ANKDD1B: variants seen among roughly 807,000 people sequenced by gnomAD.
ANKDD1B encodes the protein ankyrin repeat and death domain containing 1B.
A neutral mutation model predicts 59.7 loss-of-function variants in ANKDD1B; 57 were observed. The observed-to-expected ratio is 0.95, with a 90% CI of 0.77 to 1.19. The LOEUF (loss-of-function observed/expected upper bound fraction) is 1.19. Ranked by LOEUF, ANKDD1B falls within the 50% of genes most tolerant of loss-of-function variation. ANKDD1B has a pLI of 0.00. For synonymous variants in ANKDD1B, 216 were observed against 239.5 expected (o/e 0.90, Z 0.91); for missense variants, 602 against 641.9 (o/e 0.94, Z 0.67).
In ANKDD1B at chr5:75,625,828, C is replaced by T. The variant is rs1385470461; in HGVS notation, c.496-23C>T. The T allele has an allele frequency of 6.5e-6, 10 of 1,531,364 alleles. No individual in the cohort carries two copies. In the East Asian group the frequency reaches 2.2e-4, roughly 34 times the overall value. The allele number at this position is 1,531,364 out of a possible 1,614,324, so 94.9% of individuals were successfully genotyped here. ...GAAGTTCTGAGGTCACTGTCTATCTCCCCCACCCCTGGTTCTCTTCAGGAT... is the reference window on the plus strand; with the variant it reads ...GAAGTTCTGAGGTCACTGTCTATCTTCCCCACCCCTGGTTCTCTTCAGGAT... On this transcript the variant is annotated intron_variant, in intron 4 of 13. Transcript: ENST00000601380.
intron 7 of ANKDD1B, among the ~76,000 whole-genome samples, chr5:75,648,107 TG>T (rs1384556075): frequency 4.2e-5 from 2 of 47,704 alleles, no homozygotes; most frequent in East Asian, 6.1e-4. Flanking sequence ...TGTGGTGGGG[TG>T]GGGGGAGGGG....
chr5:75,641,330 C>T (rs1003739986), intron 7 of ANKDD1B, among the ~76,000 whole-genome samples: 5 of 152,180 alleles, frequency 3.3e-5, no homozygotes, highest in Non-Finnish European at 7.4e-5. Flanking sequence ...GCTTTGTCTT[C>T]AGATGGTTTA....
intron 10 of ANKDD1B, among the ~76,000 whole-genome samples, chr5:75,659,932 T>G (rs1579974460): frequency 6.6e-6 from 1 of 152,322 alleles, no homozygotes; most frequent in South Asian, 2.1e-4. Flanking sequence ...TTCATTCTTT[T>G]TTTTTTTAGA....
At chr5:75,648,254 A>AAAAAAATAAAAAT (rs1491134349) in intron 7 of ANKDD1B, among the ~76,000 whole-genome samples, 16 of 29,234 alleles carry the variant, frequency 5.5e-4, no homozygotes, top group African/African-American at 2.3e-3. Context: ...AAGTATAATT[A>AAAAAAATAAAAAT]AAAAAAAAAA....
At chr5:75,629,667 G>A (rs1008630052) in intron 5 of ANKDD1B, among the ~76,000 whole-genome samples, 1 of 152,142 alleles carries the variant, frequency 6.6e-6, no homozygotes, top group Admixed American at 6.5e-5. Context: ...AGGCACAGTG[G>A]CTCACACCTG....
At chr5:75,654,042 G>T (rs57891417) in intron 8 of ANKDD1B, among the ~76,000 whole-genome samples, 7,341 of 150,770 alleles carry the variant, frequency 0.049, 594 homozygotes, top group African/African-American at 0.17. Context: ...GCTTCAAGGA[G>T]GTTATTCCTG....
chr5:75,649,457 G>C (rs1774765351), intron 7 of ANKDD1B, among the ~76,000 whole-genome samples: 1 of 151,920 alleles, frequency 6.6e-6, no homozygotes, highest in Non-Finnish European at 1.5e-5. Flanking sequence ...TTTTCTTTTG[G>C]TATCGTGGAA....
At chr5:75,640,123 A>G (rs951210835) in intron 7 of ANKDD1B, among the ~76,000 whole-genome samples, 23 of 151,708 alleles carry the variant, frequency 1.5e-4, no homozygotes, top group African/African-American at 5.6e-4. Flanking sequence ...ATCTCACTGT[A>G]GCCACAACAT....
intron 5 of ANKDD1B, among the ~76,000 whole-genome samples, chr5:75,634,134 A>C (rs768423147): frequency 6.6e-6 from 1 of 152,212 alleles, no homozygotes; most frequent in Non-Finnish European, 1.5e-5. Context: ...TAGCAACACA[A>C]AGCAGACTAA....
intron 12 of ANKDD1B, among the ~76,000 whole-genome samples, chr5:75,667,597 A>C (rs777772281): frequency 2.0e-5 from 3 of 152,232 alleles, no homozygotes; most frequent in Non-Finnish European, 4.4e-5. Context: ...GCTGGACTCA[A>C]ACTGTCATAA....
chr5:75,641,814 C>A (rs923773895), intron 7 of ANKDD1B, among the ~76,000 whole-genome samples: 1 of 152,132 alleles, frequency 6.6e-6, no homozygotes, highest in Non-Finnish European at 1.5e-5. Context: ...TTGTCACTTT[C>A]CTTTTAACCA....
At chr5:75,658,808 A>T (rs253411) in intron 9 of ANKDD1B, among the ~76,000 whole-genome samples, 90,099 of 152,072 alleles carry the variant, frequency 0.59, 27,301 homozygotes, top group Middle Eastern at 0.71. Flanking sequence ...AAAATCCACC[A>T]TTTTAACCAT....
chr5:75,622,999 T>C (rs767919542), intron 3 of ANKDD1B, among the ~76,000 whole-genome samples: 80 of 152,318 alleles, frequency 5.3e-4, no homozygotes, highest in Non-Finnish European at 9.6e-4. Flanking sequence ...TAGGCTGCTT[T>C]GAAATTAGGA....
In ANKDD1B at chr5:75,655,936, T is replaced by G; in HGVS notation, c.898-93T>G. 4.8e-6 allele frequency: 3 copies of G among 626,324 alleles called. No individual in the cohort carries two copies. The South Asian group carries it at 5.8e-5, about 12-fold the overall frequency. 38.8% of individuals were successfully genotyped at this position (626,324 alleles called of 1,614,324 possible). Reference sequence around the variant, plus strand: ...ATGGGCAGTTTCGGTACTTGGGAGATCATCAGGAAATAGCTGCTGAAATGA... The same window carrying G: ...ATGGGCAGTTTCGGTACTTGGGAGAGCATCAGGAAATAGCTGCTGAAATGA... On this transcript the variant is annotated intron_variant, in intron 8 of 13. Coordinates refer to ENST00000601380, the MANE Select transcript of ANKDD1B (RefSeq NM_001276713.2).
At chr5:75,633,882 G>A (rs962588222) in intron 5 of ANKDD1B, among the ~76,000 whole-genome samples, 1 of 152,130 alleles carries the variant, frequency 6.6e-6, no homozygotes, top group African/African-American at 2.4e-5. Context: ...TCTCACTCTG[G>A]TGGGACTAGA....
intron 1 of ANKDD1B, among the ~76,000 whole-genome samples, chr5:75,616,305 T>C (rs561176163): frequency 2.6e-5 from 4 of 152,382 alleles, no homozygotes; most frequent in African/African-American, 9.6e-5. Context: ...TAAATGAGAA[T>C]AAAACATTTT....
At chr5:75,653,594 G>C (rs544036251) in intron 8 of ANKDD1B, among the ~76,000 whole-genome samples, 86 of 152,182 alleles carry the variant, frequency 5.7e-4, no homozygotes, top group Non-Finnish European at 1.1e-3. Flanking sequence ...CAAGAAGAGT[G>C]ATAATTTTTC....
chr5:75,664,915 A>C (rs1215190698), intron 11 of ANKDD1B, among the ~76,000 whole-genome samples: 2 of 152,128 alleles, frequency 1.3e-5, no homozygotes, highest in Non-Finnish European at 2.9e-5. Context: ...ATCTTTAAAT[A>C]TTTTTTTAAC....
chr5:75,639,950 A>G (rs1352741977), intron 7 of ANKDD1B, among the ~76,000 whole-genome samples: 3 of 152,152 alleles, frequency 2.0e-5, no homozygotes, highest in Non-Finnish European at 4.4e-5. Context: ...ACATTTAATC[A>G]GTTGTAAAGA....
Sources: allele counts gnomAD v4.1 joint callset (sites outside exome capture counted in the v4.1 genomes callset), GRCh38; gene constraint gnomAD v4.1.1; transcripts MANE v1.5; gene names NCBI Gene and HGNC (gene_info 2026-07-23, HGNC 2026-07-21).